Variants in FKBP1B observed in about 807,000 individuals in gnomAD.
The protein encoded by FKBP1B is FKBP prolyl isomerase 1B, also known as peptidyl-prolyl cis-trans isomerase FKBP1B.
Under a neutral mutation model 13.5 loss-of-function variants are expected in FKBP1B, and 4 were observed. The observed-to-expected ratio is 0.30, with a 90% CI of 0.15 to 0.68. The LOEUF (loss-of-function observed/expected upper bound fraction) is 0.68. Ranked by LOEUF, FKBP1B falls within the 30% of genes least tolerant of loss-of-function variation. The pLI, the probability that FKBP1B is intolerant of heterozygous loss-of-function variation, is 0.76. For synonymous variants in FKBP1B, 54 were observed against 53.6 expected (o/e 1.01, Z -0.03); for missense variants, 93 against 136.2 (o/e 0.68, Z 1.58).
chr2:24,034,519 G>T, the FKBP1B span, among the ~76,000 whole-genome samples: 4 of 151,832 alleles, frequency 2.6e-5, no homozygotes, highest in African/African-American at 9.7e-5. Context: ...ACAACAGCTT[G>T]GTTGGATGAC....
At chr2:24,052,000 A>G (rs934263849) in intron 1 of FKBP1B, among the ~76,000 whole-genome samples, 7 of 152,208 alleles carry the variant, frequency 4.6e-5, no homozygotes, top group African/African-American at 1.2e-4. Flanking sequence ...CGTCTTCCCT[A>G]TCTCAGGAAA....
Position 24,050,849 on chromosome 2 carries a change from T to C in FKBP1B, c.37+963T>C, listed in dbSNP as rs1338878229. On this transcript the variant is annotated intron_variant, in intron 1 of 3. Coordinates refer to ENST00000380986, the MANE Select transcript of FKBP1B (RefSeq NM_004116.5). This position sits in a 1 kb window ranked among gnomAD's most constrained non-coding sequence, Gnocchi z 5.8. ...ATCTTCCTTGTCCAATCCCAGCCAC[T>C]ACTTCAGATATCCCCTGGAGTACAG... is the stretch of plus-strand genomic sequence containing the variant. 1.1e-4 allele frequency among the ~76,000 whole-genome samples: 17 copies of C among 152,212 alleles called. No homozygotes were observed. Among genetic ancestry groups the C allele is most frequent in the Non-Finnish European group, 8.8e-5 (6 of 68,038 alleles).
In FKBP1B at chr2:24,060,890, G is replaced by A; in HGVS notation, c.162G>A (p.Gln54=). Residue 54 remains glutamine (Q), a synonymous_variant, in exon 3 of 4, where the codon CAG becomes CAA. Coordinates refer to ENST00000380986, the MANE Select transcript of FKBP1B (RefSeq NM_004116.5). ...CTTTCAAGTTCAGAATTGGCAAACA[G>A]GAAGTCATCAAAGGTTTTGAAGAGG... ...NKPFKFRIGK[Q]EVIKGFEEGA... is the part of the protein sequence containing the mutation. 6.2e-7 allele frequency: 1 copy of A among 1,614,178 alleles called. No individual in the cohort carries two copies. Among genetic ancestry groups the A allele is most frequent in the Non-Finnish European group, 8.5e-7 (1 of 1,180,012 alleles).
chr2:24,057,533 C>T (rs527903821), intron 2 of FKBP1B, among the ~76,000 whole-genome samples: 7 of 152,264 alleles, frequency 4.6e-5, no homozygotes, highest in African/African-American at 1.7e-4. Flanking sequence ...GCCACCACGC[C>T]TGGACAATTT....
At chr2:24,042,185 T>C in the FKBP1B span, among the ~76,000 whole-genome samples, 3 of 151,204 alleles carry the variant, frequency 2.0e-5, no homozygotes, top group African/African-American at 7.3e-5. Flanking sequence ...GCAGATCACG[T>C]GAGGTCAGGA....
chr2:24,049,806 G>A lies in FKBP1B; in HGVS notation c.-44G>A, dbSNP rs1191971299. The A allele has an allele frequency of 7.8e-5, 103 of 1,326,518 alleles. No homozygotes were observed. The highest frequency in any genetic ancestry group is 9.6e-5 in the Non-Finnish European group (99 of 1,036,614). 82.2% of individuals were successfully genotyped at this position (1,326,518 alleles called of 1,614,324 possible). ...TGGGGCCGGAGCCGAGCCGGGGTCGGGCAGCAGCAGGGACCCCCCAGAGGC... is the reference window on the plus strand; with the variant it reads ...TGGGGCCGGAGCCGAGCCGGGGTCGAGCAGCAGCAGGGACCCCCCAGAGGC... On this transcript the variant is annotated 5_prime_UTR_variant, in exon 1 of 4. Coordinates refer to ENST00000380986, the MANE Select transcript of FKBP1B (RefSeq NM_004116.5).
chr2:24,060,953 G>A (rs1321557632), intron 3 of FKBP1B, 27 bp downstream of exon 3: 1 of 1,555,390 alleles, frequency 6.4e-7, no homozygotes, highest in South Asian at 1.1e-5. Context: ...CATTAAAGGG[G>A]ATCTGGGGAG....
the FKBP1B span, chr2:24,038,964 G>T: frequency 1.1e-5 from 18 of 1,614,208 alleles, no homozygotes; most frequent in South Asian, 2.0e-4. Flanking sequence ...AATGCAGGCT[G>T]CTGCCTACTG....
chr2:24,063,371 G>A lies in FKBP1B; in HGVS notation c.*179G>A, dbSNP rs1005465762. 4 of 575,124 alleles carry A rather than the reference G, an allele frequency of 7.0e-6. No homozygotes were observed. Among genetic ancestry groups the A allele is most frequent in the Non-Finnish European group, 8.5e-6 (3 of 354,248 alleles). 35.6% of individuals were successfully genotyped at this position (575,124 alleles called of 1,614,324 possible). On this transcript the variant is annotated 3_prime_UTR_variant, in exon 4 of 4. Coordinates refer to ENST00000380986, the MANE Select transcript of FKBP1B (RefSeq NM_004116.5). Reference sequence around the variant, plus strand: ...TGTATGTGTTCGTCAGTGTTCATGCGAATTCTTGCTTGAGGAAACTTCGGT... The same window carrying A: ...TGTATGTGTTCGTCAGTGTTCATGCAAATTCTTGCTTGAGGAAACTTCGGT...
Position 24,049,854 on chromosome 2 carries a change from G to C in FKBP1B, c.5G>C (p.Gly2Ala). 1 of 1,431,430 alleles carries C rather than the reference G, an allele frequency of 7.0e-7. No individual in the cohort carries two copies. Among genetic ancestry groups the C allele is most frequent in the Non-Finnish European group, 9.2e-7 (1 of 1,091,102 alleles). The allele number at this position is 1,431,430 out of a possible 1,614,324, so 88.7% of individuals were successfully genotyped here. The change falls in exon 1 of 4, where the codon GGC (glycine) becomes GCC (alanine). Residue 2 changes from glycine (G) to alanine (A), a missense_variant. Transcript: ENST00000380986. M[G>A]VEIETISPGD... is the part of the protein sequence containing the mutation. ...GGCGGGGCCTGTGGGACCGCTATGG[G>C]CGTGGAGATCGAGACCATCTCCCCC...
the FKBP1B span, among the ~76,000 whole-genome samples, chr2:24,034,410 G>A: frequency 1.3e-5 from 2 of 151,978 alleles, no homozygotes; most frequent in Non-Finnish European, 2.9e-5. Flanking sequence ...ACAAAGCAAA[G>A]CTCTATCTAA....
At chr2:24,036,884 G>A in the FKBP1B span, among the ~76,000 whole-genome samples, 3 of 152,358 alleles carry the variant, frequency 2.0e-5, no homozygotes, top group African/African-American at 4.8e-5. Flanking sequence ...TGGTTACAGC[G>A]GATTAAGGGG....
At chr2:24,039,264 G>A in the FKBP1B span, 53 of 1,614,216 alleles carry the variant, frequency 3.3e-5, no homozygotes, top group East Asian at 6.5e-4. Context: ...GCTGGACAGC[G>A]AGTAGAACAG....
intron 2 of FKBP1B, among the ~76,000 whole-genome samples, chr2:24,059,413 G>C (rs72852426): frequency 0.17 from 25,584 of 150,848 alleles, 3,057 homozygotes; most frequent in African/African-American, 0.33. Context: ...TTAGTACAGA[G>C]TCTGGAGGCC....
chr2:24,060,209 G>A (rs1664322482), intron 2 of FKBP1B, among the ~76,000 whole-genome samples: 1 of 152,206 alleles, frequency 6.6e-6, no homozygotes, highest in African/African-American at 2.4e-5. Context: ...TTAGGAGGTT[G>A]TTCCTGTGTA....
In FKBP1B at chr2:24,063,459, ACAGAACACAGATCTC is replaced by A; in HGVS notation, c.*268_*282del. The A allele has an allele frequency of 2.6e-6, 1 of 381,858 alleles. No homozygotes were observed. The highest frequency in any genetic ancestry group is 4.7e-6 in the Non-Finnish European group (1 of 214,158). 23.7% of individuals were successfully genotyped at this position (381,858 alleles called of 1,614,324 possible). ...ATGCATGTAGTAGCCTTTCCTGATG[ACAGAACACAGATCTC>A]TTGTTCGCACAATCTACACTGCCTT... On this transcript the variant is annotated 3_prime_UTR_variant, in exon 4 of 4. Coordinates refer to ENST00000380986, the MANE Select transcript of FKBP1B (RefSeq NM_004116.5).
At position 24,063,348 on chromosome 2, in the gene FKBP1B, T is replaced by C. The variant is rs114658911; in HGVS notation, c.*156T>C. The C allele has an allele frequency of 3.8e-3, 2,682 of 697,134 alleles. 61 individuals carry two copies. In the African/African-American group the frequency reaches 0.044, roughly 11 times the overall value. 43.2% of individuals were successfully genotyped at this position (697,134 alleles called of 1,614,324 possible). ...CATTCTCTCTGCCCAAGTTGCTCTG[T>C]ATGTGTTCGTCAGTGTTCATGCGAA... On this transcript the variant is annotated 3_prime_UTR_variant, in exon 4 of 4. Coordinates refer to ENST00000380986, the MANE Select transcript of FKBP1B (RefSeq NM_004116.5).
upstream of FKBP1B, chr2:24,049,506 G>A (rs1246715785): frequency 1.1e-5 from 3 of 263,292 alleles, no homozygotes; most frequent in Non-Finnish European, 2.1e-5. Context: ...ATGTCTATTG[G>A]ACGGATGCGC....
chr2:24,038,925 A>G, the FKBP1B span: 1 of 1,614,098 alleles, frequency 6.2e-7, no homozygotes, highest in Non-Finnish European at 8.5e-7. Context: ...ACCTGTGAAG[A>G]GTCTTCTGAG....
Sources: allele counts gnomAD v4.1 joint callset (sites outside exome capture counted in the v4.1 genomes callset), GRCh38; gene constraint gnomAD v4.1.1; non-coding constraint Gnocchi (gnomAD v3.1); transcripts MANE v1.5; gene names NCBI Gene and HGNC (gene_info 2026-07-23, HGNC 2026-07-21).